Variants in RTL4 observed in about 807,000 individuals in gnomAD.
RTL4 encodes the protein retrotransposon Gag like 4, also known as retrotransposon Gag-like protein 4.
In RTL4, 4 loss-of-function variants were observed where a neutral mutation model predicts 5.3. The ratio of observed to expected loss-of-function variants is 0.75; its 90% CI spans 0.37 to 1.72. The LOEUF is 1.72. Ranked by LOEUF, RTL4 falls within the 40% of genes most tolerant of loss-of-function variation. RTL4 has a pLI of 0.04. For missense variants in RTL4, 260 were observed against 227.1 expected, an observed-to-expected ratio of 1.14 and a Z score of -0.93; for synonymous variants, 98 against 87.3, an observed-to-expected ratio of 1.12 and a Z score of -0.68.
chrX:112,432,792 A>G, the RTL4 span, among the ~76,000 whole-genome samples: 1 of 109,901 alleles, frequency 9.1e-6, no homozygotes, highest in South Asian at 3.9e-4. Context: ...TGTTTTAGAC[A>G]TGAAGTCCTT....
chrX:112,388,328 T>C, the RTL4 span, among the ~76,000 whole-genome samples: 1,151 of 111,833 alleles, frequency 0.01, 16 homozygotes, highest in African/African-American at 0.035. Flanking sequence ...AGATTATGGG[T>C]TTTTCTAGAT....
the RTL4 span, among the ~76,000 whole-genome samples, chrX:112,318,220 C>T: frequency 8.9e-6 from 1 of 111,854 alleles, no homozygotes; most frequent in South Asian, 3.8e-4. Context: ...AAACATGGAA[C>T]TTGCTCTTTT....
At chrX:112,315,799 C>T in the RTL4 span, among the ~76,000 whole-genome samples, 5 of 111,792 alleles carry the variant, frequency 4.5e-5, no homozygotes, top group Non-Finnish European at 9.4e-5. Context: ...CATTACACTC[C>T]AGCATGTACA....
chrX:112,408,741 A>G, the RTL4 span, among the ~76,000 whole-genome samples: 2 of 112,316 alleles, frequency 1.8e-5, no homozygotes, highest in African/African-American at 6.5e-5. Context: ...AAGGTAAAAG[A>G]TAAAGAAAAG....
chrX:112,370,384 A>G, the RTL4 span, among the ~76,000 whole-genome samples: 1 of 111,582 alleles, frequency 9.0e-6, no homozygotes, highest in East Asian at 2.9e-4. Flanking sequence ...ACAACAGTTA[A>G]ATCCTCCATG....
chrX:112,395,026 G>A, the RTL4 span, among the ~76,000 whole-genome samples: 760 of 111,809 alleles, frequency 6.8e-3, 8 homozygotes, highest in African/African-American at 0.023. Flanking sequence ...GTCTCAGCTA[G>A]TTATTTTCAG....
chrX:112,333,963 C>A, the RTL4 span, among the ~76,000 whole-genome samples: 1 of 103,811 alleles, frequency 9.6e-6, no homozygotes, highest in Non-Finnish European at 2.0e-5. Context: ...ACTACCTTTT[C>A]CAACCTCTGG....
At chrX:112,391,168 G>A in the RTL4 span, among the ~76,000 whole-genome samples, 2 of 112,096 alleles carry the variant, frequency 1.8e-5, no homozygotes, top group Non-Finnish European at 3.8e-5. Flanking sequence ...TCTCAGATTC[G>A]TTGGGTTCTT....
chrX:112,413,843 T>C, the RTL4 span, among the ~76,000 whole-genome samples: 2 of 109,735 alleles, frequency 1.8e-5, no homozygotes, highest in Non-Finnish European at 3.8e-5. Context: ...ACTAAAAGAG[T>C]AGAATTGGAT....
the RTL4 span, among the ~76,000 whole-genome samples, chrX:112,326,936 A>G: frequency 0.35 from 39,001 of 110,316 alleles, 7,019 homozygotes; most frequent in African/African-American, 0.7. Context: ...CAGACCTGCA[A>G]CTGAGGGTCC....
the RTL4 span, among the ~76,000 whole-genome samples, chrX:112,325,516 T>A: frequency 4.5e-5 from 5 of 111,779 alleles, no homozygotes; most frequent in Non-Finnish European, 9.4e-5. Context: ...AACTATCTGA[T>A]CTTTGACAAA....
At chrX:112,207,679 C>T in the RTL4 span, among the ~76,000 whole-genome samples, 1 of 107,262 alleles carries the variant, frequency 9.3e-6, no homozygotes, top group South Asian at 4.3e-4. Flanking sequence ...TGTGGAACCC[C>T]AATATATCAC....
At chrX:112,116,658 G>A in the RTL4 span, among the ~76,000 whole-genome samples, 2,661 of 111,020 alleles carry the variant, frequency 0.024, 34 homozygotes, top group Non-Finnish European at 0.035. Context: ...AGCACTGATT[G>A]GTGCGTTTTA....
the RTL4 span, among the ~76,000 whole-genome samples, chrX:112,337,589 A>AT: frequency 5.8e-4 from 63 of 109,137 alleles, no homozygotes; most frequent in Admixed American, 2.7e-3. Flanking sequence ...GGCAAAAAAT[A>AT]TTTTTTTTTT....
the RTL4 span, among the ~76,000 whole-genome samples, chrX:112,132,363 T>G: frequency 9.0e-6 from 1 of 110,840 alleles, no homozygotes; most frequent in Non-Finnish European, 1.9e-5. Flanking sequence ...AGTTTTCAGG[T>G]CAATCAGACA....
chrX:112,416,292 T>G, the RTL4 span, among the ~76,000 whole-genome samples: 1 of 112,119 alleles, frequency 8.9e-6, no homozygotes, highest in East Asian at 2.8e-4. Context: ...CAAATCAGTT[T>G]ACATTAACAG....
the RTL4 span, among the ~76,000 whole-genome samples, chrX:112,090,451 A>G: frequency 0.17 from 18,801 of 110,716 alleles, 2,470 homozygotes; most frequent in African/African-American, 0.45. Context: ...GTTTAATCAT[A>G]AAAGGGTGTT....
the RTL4 span, among the ~76,000 whole-genome samples, chrX:112,159,465 C>T: frequency 1.8e-5 from 2 of 111,609 alleles, no homozygotes; most frequent in African/African-American, 6.5e-5. Flanking sequence ...CGTCATTTTA[C>T]GGTGCCAATC....
chrX:112,172,099 C>T, the RTL4 span, among the ~76,000 whole-genome samples: 9 of 112,099 alleles, frequency 8.0e-5, no homozygotes, highest in African/African-American at 1.3e-4. Flanking sequence ...TTTGGGAGGC[C>T]GAGGCAGATC....
Sources: allele counts gnomAD v4.1 joint callset (sites outside exome capture counted in the v4.1 genomes callset), GRCh38; gene constraint gnomAD v4.1.1; transcripts MANE v1.5; gene names NCBI Gene and HGNC (gene_info 2026-07-23, HGNC 2026-07-21).